Variants in TSPOAP1 observed in about 807,000 individuals in gnomAD.
The protein encoded by TSPOAP1 is TSPO associated protein 1, also known as peripheral-type benzodiazepine receptor-associated protein 1.
In TSPOAP1, 87 loss-of-function variants were observed where a neutral mutation model predicts 197.0. That is an observed-to-expected ratio of 0.44 (90% confidence interval 0.37 to 0.53). The LOEUF (loss-of-function observed/expected upper bound fraction) is 0.53, where lower values mean the gene tolerates loss of function less well. TSPOAP1 is among the 20% of genes least tolerant of loss of function. The probability of loss-of-function intolerance (pLI) is 0.00; values close to 1 mark genes in which losing one functional copy is unlikely to be tolerated. For missense variants in TSPOAP1, 2,174 were observed against 2,411.3 expected (o/e 0.90, Z 2.06); for synonymous variants, 913 against 998.9 (o/e 0.91, Z 1.62).
rs376225443 is a variant in TSPOAP1, at chr17:58,310,863, G to A, written c.3432C>T (p.His1144=). 4.7e-5 allele frequency: 73 copies of A among 1,539,404 alleles called. No homozygotes were observed. The African/African-American group carries it at 6.4e-4, about 13-fold the overall frequency. Residue 1144 remains histidine, a synonymous_variant, in exon 19 of 32, where the codon CAC becomes CAT. Transcript: ENST00000343736. Reference sequence around the variant, plus strand: ...GGGAGCAAGGTGCTGGAGGGTCCTCGTGGGACCCTTTTGCCATCTCTCTGG... The same window carrying A: ...GGGAGCAAGGTGCTGGAGGGTCCTCATGGGACCCTTTTGCCATCTCTCTGG... ...SPSREMAKGS[H]EDPPAPCSQE... is the part of the protein sequence containing the mutation.
intron 22 of TSPOAP1, 87 bp downstream of exon 22, chr17:58,308,454 G>A (rs992551219): frequency 2.3e-5 from 34 of 1,478,494 alleles, no homozygotes; most frequent in Non-Finnish European, 2.7e-5. Flanking sequence ...GGCAGGCAGC[G>A]TGGAATGGGA....
At chr17:58,305,327 C>T (rs772456594) in intron 29 of TSPOAP1, 60 bp downstream of exon 29, 22 of 1,588,734 alleles carry the variant, frequency 1.4e-5, no homozygotes, top group Non-Finnish European at 1.8e-5. Flanking sequence ...CCTTGCCTAT[C>T]CCCCTGTCCG....
rs1402008452 is a variant in TSPOAP1, at chr17:58,312,141, T to C, written c.2680A>G (p.Thr894Ala). 6.2e-7 allele frequency: 1 copy of C among 1,613,226 alleles called. No homozygotes were observed. The highest frequency in any genetic ancestry group is 1.7e-5 in the Admixed American group (1 of 60,038). Residue 894 changes from threonine (T) to alanine (A), a missense_variant, in exon 17 of 32, where the codon ACA (threonine) becomes GCA (alanine). By Grantham distance (58) the Thr-to-Ala change is moderately conservative. This residue lies in a region of TSPOAP1 where 1,933 missense variants were observed against 2,139.0 expected (regional missense o/e 0.90). Coordinates refer to ENST00000343736, the MANE Select transcript of TSPOAP1 (RefSeq NM_004758.4). ...VPSQLRVHRL[T>A]ATSAEITWVP... ...CAGGTGATCTCAGCAGATGTGGCTGTCAACCGATGGACCCGCAGCTGGCTG... is the reference window on the plus strand; with the variant it reads ...CAGGTGATCTCAGCAGATGTGGCTGCCAACCGATGGACCCGCAGCTGGCTG...
Position 58,327,907 on chromosome 17 carries a change from G to C in TSPOAP1, c.14C>G (p.Thr5Arg), listed in dbSNP as rs770050594. Residue 5 changes from threonine (T) to arginine (R), a missense_variant, in exon 1 of 32, where the codon ACA becomes AGA. Physicochemically the swap from Thr to Arg is moderately conservative, Grantham distance 71. Around this residue, in one of 5 missense-constraint regions of TSPOAP1, gnomAD observed 1,933 missense variants for 2,139.0 expected, o/e 0.90. Transcript: ENST00000343736. MEQL[T>R]TLPRPGDPGA... is the part of the protein sequence containing the mutation. ...AGGGTCCCCAGGCCGTGGGAGGGTT[G>C]TCAGTTGCTCCATGGTACTGCCAAG... The C allele has an allele frequency of 8.7e-6, 14 of 1,600,518 alleles. No homozygotes were observed. In the South Asian group the frequency reaches 1.3e-4, roughly 15 times the overall value.
chr17:58,308,669 T>C lies in TSPOAP1; in HGVS notation c.4603A>G (p.Arg1535Gly). Residue 1535 changes from arginine (R) to glycine (G), a missense_variant, in exon 22 of 32, where the codon AGG (arginine) becomes GGG (glycine). Arg to Gly is a moderately radical substitution (Grantham distance 125). Transcript: ENST00000343736. ...TTGGCCTTCGGAGGCCCCCTGGGCC[T>C]TCCTACAGTTGCTGTGCCCCAGGCC... ...GEAWGTATVG[R>G]PRGPPKANSG... is the part of the protein sequence containing the mutation. 6.2e-7 allele frequency: 1 copy of C among 1,612,490 alleles called. No homozygotes were observed. The highest frequency in any genetic ancestry group is 1.1e-5 in the South Asian group (1 of 91,046).
At chr17:58,311,805 A>G (rs1286547268) in intron 17 of TSPOAP1, 83 bp from the exon 18 acceptor site, 3 of 1,491,856 alleles carry the variant, frequency 2.0e-6, no homozygotes, top group Non-Finnish European at 2.7e-6. Flanking sequence ...TTCCCTGATA[A>G]CGCAAATAAG....
chr17:58,323,668 T>C (rs745425052), intron 5 of TSPOAP1, 123 bp from the exon 6 acceptor site: 35 of 996,868 alleles, frequency 3.5e-5, no homozygotes, highest in Non-Finnish European at 4.9e-5. Context: ...GATCCCTGCC[T>C]AGCAAGAGCA....
chr17:58,316,729 G>A (rs922202592), intron 14 of TSPOAP1, among the ~76,000 whole-genome samples, 189 bp from the exon 15 acceptor site: 10 of 152,232 alleles, frequency 6.6e-5, no homozygotes, highest in African/African-American at 2.4e-4. Flanking sequence ...AGCAGGTCCT[G>A]GCAGAGCCCA....
chr17:58,311,301 C>A, intron 18 of TSPOAP1, 88 bp from the exon 19 acceptor site: 1 of 1,528,280 alleles, frequency 6.5e-7, no homozygotes, highest in African/African-American at 1.4e-5. Context: ...AGCTAACTGA[C>A]AGCAGTGGCA....
chr17:58,327,912 T>C lies in TSPOAP1; in HGVS notation c.9A>G (p.Gln3=). The part of the protein sequence containing the change: ME[Q]LTTLPRPGDP... ...CCCCAGGCCGTGGGAGGGTTGTCAG[T>C]TGCTCCATGGTACTGCCAAGGGGCC... The change falls in exon 1 of 32, where the codon CAA becomes CAG. Residue 3 remains glutamine, a synonymous_variant. Transcript: ENST00000343736. 5 of 1,599,270 alleles carry C rather than the reference T, an allele frequency of 3.1e-6. No individual in the cohort carries two copies. Among genetic ancestry groups the C allele is most frequent in the Non-Finnish European group, 3.4e-6 (4 of 1,169,730 alleles).
In TSPOAP1 at chr17:58,324,835, C is replaced by A. The variant is rs1971525090; in HGVS notation, c.918G>T (p.Ala306=). ...CCTCTCCCGGGGCCCCGGGAGCAGG[C>A]GCCCCTGCTCTGGCCTGGAGAGCAG... The part of the protein sequence containing the change: ...PGPALQARAG[A]PAPGAPGEAT... Residue 306 remains alanine, a synonymous_variant, in exon 5 of 32, where the codon GCG becomes GCT. Transcript: ENST00000343736. This position sits in a 1 kb window ranked among gnomAD's most constrained non-coding sequence, Gnocchi z 5.8. The A allele has an allele frequency of 6.8e-7, 1 of 1,478,376 alleles. No homozygotes were observed. The highest frequency in any genetic ancestry group is 8.9e-7 in the Non-Finnish European group (1 of 1,118,236). The allele number at this position is 1,478,376 out of a possible 1,614,324, so 91.6% of individuals were successfully genotyped here.
In TSPOAP1 at chr17:58,314,082, C is replaced by T. The variant is rs567921671; in HGVS notation, c.2099-1360G>A. On this transcript the variant is annotated intron_variant, in intron 16 of 31. Transcript: ENST00000343736. ...GCTTTATTGAGAGGAAGGGGGAGCA[C>T]GAGCCAGGGCTTAGGGGAGAGGGGT... Among the ~76,000 whole-genome samples, 22 of 152,200 alleles carry T rather than the reference C, an allele frequency of 1.4e-4. No homozygotes were observed. In the East Asian group the frequency reaches 3.5e-3, roughly 24 times the overall value.
At chr17:58,306,468 T>C in intron 25 of TSPOAP1, 55 bp from the exon 26 acceptor site, 2 of 1,473,364 alleles carry the variant, frequency 1.4e-6, no homozygotes, top group Non-Finnish European at 1.8e-6. Flanking sequence ...GAGACAGGAC[T>C]GGGACTCTGG....
Position 58,311,676 on chromosome 17 carries a change from G to A in TSPOAP1, c.2976C>T (p.Ser992=), listed in dbSNP as rs1174555026. Residue 992 remains serine (S), a synonymous_variant, in exon 18 of 32, where the codon TCC becomes TCT. Transcript: ENST00000343736. ...GCCAACTGATGATCAAGATCCCAGGGGAGGGCCCAGGCTCGATCTGCACAT... is the reference window on the plus strand; with the variant it reads ...GCCAACTGATGATCAAGATCCCAGGAGAGGGCCCAGGCTCGATCTGCACAT... ...PLDVQIEPGP[S]PGILIISWLP... is the part of the protein sequence containing the mutation. 5 of 1,608,198 alleles carry A rather than the reference G, an allele frequency of 3.1e-6. No individual in the cohort carries two copies. Among genetic ancestry groups the A allele is most frequent in the Non-Finnish European group, 4.3e-6 (5 of 1,176,390 alleles).
intron 16 of TSPOAP1, 117 bp downstream of exon 16, chr17:58,315,890 GGGATGGATGGATGGAT>G (rs199737483): frequency 4.0e-5 from 27 of 682,654 alleles, no homozygotes; most frequent in Admixed American, 8.7e-5. Context: ...CTGGGCAGAG[GGGATGGATGGATGGAT>G]GGATGGATGG....
In TSPOAP1 at chr17:58,305,649, G is replaced by A. The variant is rs1215820794; in HGVS notation, c.5258-6C>T. The stretch of plus-strand genomic sequence containing the variant: ...GGGGACCAGCTTAGGGGGGCCTGCA[G>A]GGGGAGTAGGAGAAGACTCTGGACT... On this transcript the variant is annotated splice_region_variant and splice_polypyrimidine_tract_variant and intron_variant, in intron 27 of 31. Coordinates refer to ENST00000343736, the MANE Select transcript of TSPOAP1 (RefSeq NM_004758.4). 1 of 1,464,360 alleles carries A rather than the reference G, an allele frequency of 6.8e-7. No homozygotes were observed. The highest frequency in any genetic ancestry group is 2.1e-5 in the Admixed American group (1 of 48,698). The allele number at this position is 1,464,360 out of a possible 1,614,324, so 90.7% of individuals were successfully genotyped here.
At chr17:58,317,565 C>T (rs1040751491) in intron 14 of TSPOAP1, among the ~76,000 whole-genome samples, 1 of 152,330 alleles carries the variant, frequency 6.6e-6, no homozygotes, top group South Asian at 2.1e-4. Flanking sequence ...TTCTATCCCA[C>T]GAGGGGGCAA....
rs1971105107 is a variant in TSPOAP1 at position 58,312,492 on chromosome 17, T to A, written c.2329A>T (p.Ser777Cys). ...PEEEDAGDEL[S>C]LSPSPEGLGE... ...AGGCCCTCCGGTGATGGGCTCAGAC[T>A]GAGCTCGTCCCCTGCATCCTCCTCC... Residue 777 changes from serine to cysteine, a missense_variant, in exon 17 of 32, where the codon AGT becomes TGT. Transcript: ENST00000343736. 6.2e-7 allele frequency: 1 copy of A among 1,604,736 alleles called. No individual in the cohort carries two copies. Among genetic ancestry groups the A allele is most frequent in the African/African-American group, 1.3e-5 (1 of 74,790 alleles).
At chr17:58,319,825 C>G (rs983454941) in intron 12 of TSPOAP1, among the ~76,000 whole-genome samples, 4 of 152,228 alleles carry the variant, frequency 2.6e-5, no homozygotes, top group African/African-American at 9.6e-5. Flanking sequence ...GGGCTCTCTC[C>G]GGCCACTATG....
Sources: gnomAD v4.1 joint callset for allele counts (sites outside exome capture counted in the v4.1 genomes callset) on GRCh38, gnomAD v4.1.1 for gene constraint, gnomAD v4.1.1 regional missense constraint, Gnocchi (gnomAD v3.1) non-coding constraint, MANE v1.5 for transcripts, NCBI Gene and HGNC (gene_info 2026-07-23, HGNC 2026-07-21) for gene names.